The following PCLO variants were observed in gnomAD, a reference collection of about 807,000 sequenced individuals.
PCLO encodes the protein piccolo presynaptic cytomatrix protein.
PCLO carries 82 observed loss-of-function variants against 427.5 expected under a neutral mutation model. The ratio of observed to expected loss-of-function variants is 0.19; its 90% CI spans 0.16 to 0.23. The LOEUF (loss-of-function observed/expected upper bound fraction) is 0.23, where lower values mean the gene tolerates loss of function less well. Among genes scored for constraint, PCLO ranks in the 10% least tolerant of loss-of-function variants. The pLI is 1.00. For synonymous variants in PCLO, 2,357 were observed against 2,155.4 expected (o/e 1.09, Z -2.59); for missense variants, 6,239 against 6,115.9 (o/e 1.02, Z -0.67).
chr7:83,138,195 C>G (rs1791775797), intron 2 of PCLO, among the ~76,000 whole-genome samples: 1 of 152,120 alleles, frequency 6.6e-6, no homozygotes, highest in Admixed American at 6.5e-5. Flanking sequence ...AGATCTGTAT[C>G]CACATTAACT....
intron 3 of PCLO, among the ~76,000 whole-genome samples, chr7:83,078,526 A>G (rs1424067624): frequency 6.6e-6 from 1 of 151,422 alleles, no homozygotes; most frequent in Non-Finnish European, 1.5e-5. Context: ...TAGCATTATT[A>G]TTATTACTAT....
intron 3 of PCLO, among the ~76,000 whole-genome samples, chr7:83,103,135 C>T (rs1790775609): frequency 6.6e-6 from 1 of 151,838 alleles, no homozygotes; most frequent in South Asian, 2.1e-4. Context: ...ATGAATCTTG[C>T]CAGATCTATA....
At chr7:83,001,732 C>G (rs1388322667) in intron 3 of PCLO, among the ~76,000 whole-genome samples, 8 of 152,148 alleles carry the variant, frequency 5.3e-5, no homozygotes, top group Middle Eastern at 3.4e-3. Flanking sequence ...CCTCATGGTG[C>G]TGATTTATAG....
Position 83,107,716 on chromosome 7 carries a change from T to C in PCLO, c.3300+26534A>G, listed in dbSNP as rs1373766332. Among the ~76,000 whole-genome samples the C allele has an allele frequency of 5.5e-4, 12 of 21,722 alleles. No homozygotes were observed. In the East Asian group the frequency reaches 0.018, roughly 33 times the overall value. 14.3% of individuals were successfully genotyped at this position (21,722 alleles called of 152,430 possible). ...AGAGAGAATATAAGAAGAGAATATG[T>C]GCGGTGGCTCACGCCTATAATCCCA... On this transcript the variant is annotated intron_variant, in intron 3 of 24. Transcript: ENST00000333891.
rs750070135 is a variant in PCLO, at chr7:82,915,697, G to T, written c.12289C>A (p.Pro4097Thr). The change falls in exon 7 of 25, where the codon CCT becomes ACT. Residue 4097 changes from proline to threonine, a missense_variant. Around this residue, in one of 5 missense-constraint regions of PCLO, gnomAD observed 680 missense variants for 677.3 expected, o/e 1.00. Coordinates refer to ENST00000333891, the MANE Select transcript of PCLO (RefSeq NM_033026.6). ...RSQEVTDFLAPLQSSSRLHSY... is the reference protein window; with the variant it reads ...RSQEVTDFLATLQSSSRLHSY... Reference sequence around the variant, plus strand: ...TGCAATCTAGAGGAAGACTGTAAAGGTGCTAGGAAATCTGTCACTTCTTGA... The same window carrying T: ...TGCAATCTAGAGGAAGACTGTAAAGTTGCTAGGAAATCTGTCACTTCTTGA... 1.9e-6 allele frequency: 3 copies of T among 1,612,742 alleles called. No individual in the cohort carries two copies. The African/African-American group carries it at 4.0e-5, about 22-fold the overall frequency.
chr7:83,000,389 T>A (rs77081821), intron 3 of PCLO, among the ~76,000 whole-genome samples: 1,682 of 151,552 alleles, frequency 0.011, 41 homozygotes, highest in African/African-American at 0.037. Flanking sequence ...CAAGTAAAAA[T>A]TGAGGAAATT....
intron 3 of PCLO, among the ~76,000 whole-genome samples, chr7:83,072,374 T>TA (rs958522079): frequency 1.8e-4 from 27 of 152,188 alleles, no homozygotes; most frequent in African/African-American, 6.3e-4. Context: ...CTTTTTTATT[T>TA]AAAAAATAAT....
chr7:82,793,145 A>C (rs1260822423), intron 22 of PCLO, among the ~76,000 whole-genome samples: 1 of 152,036 alleles, frequency 6.6e-6, no homozygotes, highest in Non-Finnish European at 1.5e-5. Context: ...TCTCTCCTGC[A>C]TGAGCACCCC....
chr7:82,824,760 G>A (rs1251454949), intron 18 of PCLO, among the ~76,000 whole-genome samples: 6 of 151,300 alleles, frequency 4.0e-5, no homozygotes, highest in African/African-American at 7.3e-5. Context: ...AATCTTACAC[G>A]GTGAAATCCC....
chr7:83,021,566 C>T (rs1788343467), intron 3 of PCLO, among the ~76,000 whole-genome samples: 1 of 152,084 alleles, frequency 6.6e-6, no homozygotes, highest in Admixed American at 6.6e-5. Context: ...AATCAATAGA[C>T]ATTGTCTCTC....
chr7:83,004,138 T>C (rs1430561710), intron 3 of PCLO, among the ~76,000 whole-genome samples: 1 of 151,752 alleles, frequency 6.6e-6, no homozygotes, highest in Non-Finnish European at 1.5e-5. Context: ...CAGTGACATT[T>C]TCCACAGAAA....
chr7:83,159,177 TTTTAC>T (rs1401058475), intron 1 of PCLO, among the ~76,000 whole-genome samples: 1 of 152,086 alleles, frequency 6.6e-6, no homozygotes, highest in Admixed American at 6.5e-5. Context: ...CATGTATTCG[TTTTAC>T]TTTAATGTTT....
rs1366161122 is a variant in PCLO, at chr7:83,044,044, T to C, written c.3301-77557A>G. Among the ~76,000 whole-genome samples, 6 of 150,810 alleles carry C rather than the reference T, an allele frequency of 4.0e-5. No individual in the cohort carries two copies. The Admixed American group carries it at 4.0e-4, about 10-fold the overall frequency. On this transcript the variant is annotated intron_variant, in intron 3 of 24. Coordinates refer to ENST00000333891, the MANE Select transcript of PCLO (RefSeq NM_033026.6). ...TATTTAAAAAAGAAGTTTAATTGACTCACAGTTCCGCATGGGCTAGAAAAG... is the reference window on the plus strand; with the variant it reads ...TATTTAAAAAAGAAGTTTAATTGACCCACAGTTCCGCATGGGCTAGAAAAG...
intron 6 of PCLO, among the ~76,000 whole-genome samples, chr7:82,924,954 TCCCTCTAACTGTA>T (rs1329403195): frequency 6.6e-6 from 1 of 152,146 alleles, no homozygotes; most frequent in Non-Finnish European, 1.5e-5. Context: ...CACAGTCTCC[TCCCTCTAACTGTA>T]CAAGAAATTA....
At chr7:82,906,031 A>G (rs1204915775) in intron 8 of PCLO, among the ~76,000 whole-genome samples, 1 of 151,766 alleles carries the variant, frequency 6.6e-6, no homozygotes. Flanking sequence ...AGATAGATAG[A>G]TAGATAGATA....
At chr7:82,941,314 A>C (rs1441368678) in intron 6 of PCLO, among the ~76,000 whole-genome samples, 2 of 152,174 alleles carry the variant, frequency 1.3e-5, no homozygotes, top group East Asian at 3.9e-4. Context: ...TTTTTAAAAA[A>C]TAACTTAAAA....
intron 3 of PCLO, among the ~76,000 whole-genome samples, chr7:82,984,408 CTGTG>C (rs5885327): frequency 0.044 from 5,943 of 135,854 alleles, 146 homozygotes; most frequent in Middle Eastern, 0.084. Flanking sequence ...AATGTGGTGT[CTGTG>C]TGTGTGTGTG....
At chr7:82,888,208 C>T (rs1056893132) in intron 9 of PCLO, among the ~76,000 whole-genome samples, 1 of 152,096 alleles carries the variant, frequency 6.6e-6, no homozygotes, top group Non-Finnish European at 1.5e-5. Context: ...TTTTGTTCCA[C>T]GGATATTCCA....
chr7:82,928,425 A>G (rs1794764447), intron 6 of PCLO, among the ~76,000 whole-genome samples: 1 of 152,204 alleles, frequency 6.6e-6, no homozygotes, highest in Non-Finnish European at 1.5e-5. Flanking sequence ...AAGTACTAGC[A>G]AAACTACACA....
Sources: allele counts gnomAD v4.1 joint callset (sites outside exome capture counted in the v4.1 genomes callset), GRCh38; gene constraint gnomAD v4.1.1; regional missense constraint gnomAD v4.1.1; transcripts MANE v1.5; gene names NCBI Gene and HGNC (gene_info 2026-07-23, HGNC 2026-07-21).